The following LDLRAD4 variants were observed in gnomAD, a reference collection of about 807,000 sequenced individuals.
The protein encoded by LDLRAD4 is low-density lipoprotein receptor class A domain-containing protein 4.
LDLRAD4 carries 5 observed loss-of-function variants against 17.0 expected under a neutral mutation model. That is an observed-to-expected ratio of 0.29 (90% confidence interval 0.15 to 0.62). LDLRAD4 has a LOEUF of 0.62. Ranked by LOEUF, LDLRAD4 falls within the 20% of genes least tolerant of loss-of-function variation. The pLI is 0.84. For missense variants in LDLRAD4, 340 were observed against 424.7 expected, an observed-to-expected ratio of 0.80 and a Z score of 1.75; for synonymous variants, 168 against 171.8, an observed-to-expected ratio of 0.98 and a Z score of 0.17.
chr18:13,356,950 A>G (rs1374522323), intron 1 of LDLRAD4, among the ~76,000 whole-genome samples: 3 of 152,202 alleles, frequency 2.0e-5, no homozygotes, highest in Non-Finnish European at 4.4e-5. Context: ...CCTGGCCAAC[A>G]TCGTGAAATC....
At chr18:13,347,859 C>T (rs974643447) in intron 1 of LDLRAD4, among the ~76,000 whole-genome samples, 2 of 152,168 alleles carry the variant, frequency 1.3e-5, no homozygotes, top group Non-Finnish European at 2.9e-5. Context: ...TCCAGTTGAT[C>T]GAATCAGCTA....
At chr18:13,299,675 C>T (rs1482148137) in intron 1 of LDLRAD4, among the ~76,000 whole-genome samples, 1 of 152,006 alleles carries the variant, frequency 6.6e-6, no homozygotes, top group Non-Finnish European at 1.5e-5. Flanking sequence ...AAGACCCCAT[C>T]TATAAAAAAA....
chr18:13,606,325 C>T (rs546291171), intron 3 of LDLRAD4, among the ~76,000 whole-genome samples: 20 of 152,224 alleles, frequency 1.3e-4, no homozygotes, highest in African/African-American at 4.6e-4. Flanking sequence ...TCCTTTTTTC[C>T]GCTTAGTAGC....
chr18:13,549,777 G>A (rs921151425), intron 3 of LDLRAD4, among the ~76,000 whole-genome samples: 3 of 152,042 alleles, frequency 2.0e-5, no homozygotes, highest in African/African-American at 7.2e-5. Flanking sequence ...CAATTTTAAA[G>A]CTTCTGGCAT....
intron 1 of LDLRAD4, among the ~76,000 whole-genome samples, chr18:13,349,358 T>C (rs563209783): frequency 2.4e-4 from 36 of 152,382 alleles, no homozygotes; most frequent in African/African-American, 8.7e-4. Flanking sequence ...TATGCACTTA[T>C]GATTCTTTTA....
At chr18:13,600,807 T>G (rs2095152193) in intron 3 of LDLRAD4, among the ~76,000 whole-genome samples, 2 of 152,246 alleles carry the variant, frequency 1.3e-5, no homozygotes, top group Admixed American at 1.3e-4. Context: ...TTAAAATTAC[T>G]TTTATTTGTA....
At chr18:13,257,982 C>G (rs1177510081) in intron 1 of LDLRAD4, among the ~76,000 whole-genome samples, 1 of 152,044 alleles carries the variant, frequency 6.6e-6, no homozygotes, top group African/African-American at 2.4e-5. Context: ...TCGCTTGAGC[C>G]GAGGAATTGG....
chr18:13,461,490 CACAA>C (rs1237984153), intron 3 of LDLRAD4: 3 of 152,134 alleles, frequency 2.0e-5, no homozygotes, highest in Non-Finnish European at 4.4e-5. Context: ...AGACAAAACA[CACAA>C]ACAAAGCAAG....
rs374807431 is a variant in LDLRAD4, at chr18:13,294,251, C to T, written c.-383+16063C>T. 2.0e-4 allele frequency among the ~76,000 whole-genome samples: 30 copies of T among 152,288 alleles called. No homozygotes were observed. In the East Asian group the frequency reaches 5.0e-3, roughly 25 times the overall value. ...GCATGGGAAGTGCAGTTTCTGTCCG[C>T]GATGAAAGGGCTGAAGGTGGTCCAG... is the stretch of plus-strand genomic sequence containing the variant. On this transcript the variant is annotated intron_variant, in intron 1 of 5. Transcript: ENST00000359446.
chr18:13,353,999 T>A (rs2144484193), intron 1 of LDLRAD4, among the ~76,000 whole-genome samples: 1 of 150,366 alleles, frequency 6.7e-6, no homozygotes, highest in East Asian at 1.9e-4. Flanking sequence ...GATAATATTC[T>A]TTTTTTTTCC....
At chr18:13,649,481 A>G (rs545173450) in exon 6 of LDLRAD4, 1 of 152,350 alleles carries the variant, frequency 6.6e-6, no homozygotes, top group South Asian at 2.1e-4. Context: ...CAGGCCAGAT[A>G]CTGATTGCTA....
chr18:13,574,847 G>T lies in LDLRAD4; in HGVS notation c.182-46270G>T, dbSNP rs116328594. Among the ~76,000 whole-genome samples the T allele has an allele frequency of 5.4e-3, 817 of 152,332 alleles. 5 individuals carry two copies. Among genetic ancestry groups the T allele is most frequent in the African/African-American group, 0.019 (779 of 41,566 alleles). On this transcript the variant is annotated intron_variant, in intron 3 of 5. Coordinates refer to ENST00000359446, the Ensembl canonical transcript of LDLRAD4. ...CCAAAAGGAAAATAAATCAGAGCTT[G>T]AAACTAGCCTTTCTGATGGGAATAT...
chr18:13,365,247 G>C (rs2083971478), intron 1 of LDLRAD4, among the ~76,000 whole-genome samples: 1 of 152,182 alleles, frequency 6.6e-6, no homozygotes, highest in African/African-American at 2.4e-5. Flanking sequence ...TTTTTACCTT[G>C]AGAGCTGGTT....
chr18:13,463,000 G>A (rs776811925), intron 3 of LDLRAD4, among the ~76,000 whole-genome samples: 1 of 152,206 alleles, frequency 6.6e-6, no homozygotes, highest in Non-Finnish European at 1.5e-5. Flanking sequence ...ACTGCCAGGG[G>A]CAGCAGCCAG....
intron 1 of LDLRAD4, chr18:13,241,981 C>T (rs527384797): frequency 2.6e-5 from 4 of 152,416 alleles, no homozygotes; most frequent in Admixed American, 2.6e-4. Context: ...CGTCATCACG[C>T]GAGGCCAGTG....
At chr18:13,540,084 C>A (rs1445500797) in intron 3 of LDLRAD4, among the ~76,000 whole-genome samples, 1 of 152,190 alleles carries the variant, frequency 6.6e-6, no homozygotes, top group Non-Finnish European at 1.5e-5. Context: ...TGAGGAAAGT[C>A]CACAGTCAGA....
chr18:13,442,313 A>G (rs2146231634), intron 3 of LDLRAD4, among the ~76,000 whole-genome samples: 1 of 152,270 alleles, frequency 6.6e-6, no homozygotes, highest in Non-Finnish European at 1.5e-5. Context: ...GTGAGGGCCG[A>G]GCGGGTCCAG....
chr18:13,400,264 A>T (rs1358583473), intron 2 of LDLRAD4, among the ~76,000 whole-genome samples: 1 of 152,242 alleles, frequency 6.6e-6, no homozygotes, highest in Non-Finnish European at 1.5e-5. Flanking sequence ...AGCGTGGGGT[A>T]AAAGAGAGGG....
intron 1 of LDLRAD4, among the ~76,000 whole-genome samples, chr18:13,282,936 T>C (rs538379088): frequency 6.9e-4 from 105 of 152,350 alleles, no homozygotes; most frequent in Non-Finnish European, 1.3e-3. Context: ...TCTTGACTTC[T>C]GTGTACCCGC....
Sources: gnomAD v4.1 joint callset for allele counts (sites outside exome capture counted in the v4.1 genomes callset) on GRCh38, gnomAD v4.1.1 for gene constraint, MANE v1.5 for transcripts, NCBI Gene and HGNC (gene_info 2026-07-23, HGNC 2026-07-21) for gene names.